The following NEK7 variants were observed in gnomAD, a reference collection of about 807,000 sequenced individuals.
NEK7 encodes serine/threonine-protein kinase Nek7.
Under a neutral mutation model 44.6 loss-of-function variants are expected in NEK7, and 18 were observed. That is an observed-to-expected ratio of 0.40 (90% CI 0.28 to 0.60). The LOEUF is 0.60. NEK7 is among the 20% of genes least tolerant of loss of function. The pLI is 0.38. For missense variants in NEK7, 256 were observed against 366.5 expected (o/e 0.70, Z 2.46); for synonymous variants, 130 against 121.1 (o/e 1.07, Z -0.48).
intron 9 of NEK7, among the ~76,000 whole-genome samples, chr1:198,316,849 A>G (rs960105775): frequency 1.3e-5 from 2 of 152,218 alleles, no homozygotes; most frequent in East Asian, 1.9e-4. Flanking sequence ...AGATGGTTAG[A>G]AAGGAAAATG....
rs77952432 is a variant in NEK7 at position 198,173,430 on chromosome 1, T to TA, written c.-29+16171dup. ...GGAGTCAAAGTGAGACTCTGTCTTT[T>TA]AAAAAAAAAAAAAAAAAGGACAGCT... On this transcript the variant is annotated intron_variant, in intron 1 of 9. Transcript: ENST00000367385. 4.4e-3 allele frequency among the ~76,000 whole-genome samples: 607 copies of TA among 137,288 alleles called. 3 individuals carry two copies. The highest frequency in any genetic ancestry group is 0.01 in the African/African-American group (380 of 37,362). The allele number at this position is 137,288 out of a possible 152,430, so 90.1% of individuals were successfully genotyped here.
intron 2 of NEK7, among the ~76,000 whole-genome samples, chr1:198,241,115 C>T (rs1281093679): frequency 1.3e-5 from 2 of 152,180 alleles, no homozygotes; most frequent in Non-Finnish European, 2.9e-5. Context: ...CCCATGGTAG[C>T]TGTTTTGAAG....
chr1:198,316,969 G>T (rs923380896), intron 9 of NEK7, among the ~76,000 whole-genome samples: 1 of 152,206 alleles, frequency 6.6e-6, no homozygotes, highest in Admixed American at 6.5e-5. Context: ...TTGCAGAGTA[G>T]ATCATCTAGA....
intron 8 of NEK7, among the ~76,000 whole-genome samples, chr1:198,295,965 C>T (rs1000674296): frequency 5.9e-5 from 9 of 152,028 alleles, no homozygotes; most frequent in African/African-American, 1.9e-4. Flanking sequence ...GTTGTGTGCA[C>T]GTTTTATGTA....
intron 9 of NEK7, among the ~76,000 whole-genome samples, chr1:198,317,873 A>ATAT (rs1655413871): frequency 3.8e-5 from 1 of 26,604 alleles, no homozygotes; most frequent in Non-Finnish European, 6.7e-5. Flanking sequence ...TACTGGATAT[A>ATAT]TTTATTTTTT....
chr1:198,266,151 AATTGG>A (rs1247332802), intron 5 of NEK7, among the ~76,000 whole-genome samples: 1 of 152,110 alleles, frequency 6.6e-6, no homozygotes, highest in African/African-American at 2.4e-5. Context: ...CTTTGTTAAT[AATTGG>A]ATTGTTTTCA....
intron 1 of NEK7, among the ~76,000 whole-genome samples, chr1:198,222,688 G>A (rs12076564): frequency 0.51 from 77,780 of 151,942 alleles, 23,178 homozygotes; most frequent in East Asian, 0.9. Flanking sequence ...TATTCATTCA[G>A]CGATGTTTAT....
chr1:198,314,796 A>T (rs1360982894), intron 9 of NEK7, among the ~76,000 whole-genome samples: 9 of 152,180 alleles, frequency 5.9e-5, no homozygotes, highest in South Asian at 2.1e-4. Flanking sequence ...CCGTTCTCAG[A>T]TCTCCAGCTG....
intron 1 of NEK7, among the ~76,000 whole-genome samples, chr1:198,183,837 T>C (rs997596186): frequency 1.3e-5 from 2 of 152,232 alleles, no homozygotes; most frequent in African/African-American, 4.8e-5. Flanking sequence ...CTCGAGACGT[T>C]TTTAATGGTC....
Position 198,244,262 on chromosome 1 carries a change from A to G in NEK7, c.58-8778A>G, listed in dbSNP as rs185636182. 9.8e-4 allele frequency among the ~76,000 whole-genome samples: 149 copies of G among 152,272 alleles called. 1 individual carries two copies. Among genetic ancestry groups the G allele is most frequent in the African/African-American group, 3.5e-3 (144 of 41,560 alleles). On this transcript the variant is annotated intron_variant, in intron 2 of 9. Coordinates refer to ENST00000367385, the MANE Select transcript of NEK7 (RefSeq NM_133494.3). ...CTTGTATATTAAATCATTGATAACAATACCTCAAGGAATTATCAGTACATA... is the reference window on the plus strand; with the variant it reads ...CTTGTATATTAAATCATTGATAACAGTACCTCAAGGAATTATCAGTACATA...
chr1:198,182,281 A>G (rs1174557059), intron 1 of NEK7, among the ~76,000 whole-genome samples: 1 of 152,122 alleles, frequency 6.6e-6, no homozygotes, highest in Non-Finnish European at 1.5e-5. Context: ...ACCATTCTTA[A>G]TTTGTCTCTT....
chr1:198,159,298 AAAGAAAGGAAGG>A (rs1277311448), intron 1 of NEK7, among the ~76,000 whole-genome samples: 1 of 152,050 alleles, frequency 6.6e-6, no homozygotes, highest in African/African-American at 2.4e-5. Context: ...CTGGAGAAAG[AAAGAAAGGAAGG>A]AAGGAAGGAA....
chr1:198,309,138 C>G (rs1263506875), intron 9 of NEK7, among the ~76,000 whole-genome samples: 4 of 152,066 alleles, frequency 2.6e-5, no homozygotes, highest in Non-Finnish European at 4.4e-5. Flanking sequence ...GTAGCAAACA[C>G]AGTAATGAGG....
At chr1:198,264,552 G>A (rs1017199635) in intron 5 of NEK7, among the ~76,000 whole-genome samples, 2 of 151,922 alleles carry the variant, frequency 1.3e-5, no homozygotes, top group African/African-American at 4.8e-5. Flanking sequence ...TTGATCCTGT[G>A]TCTCTGGACA....
Position 198,278,091 on chromosome 1 carries a change from C to G in NEK7, c.481+22C>G, listed in dbSNP as rs776687699. On this transcript the variant is annotated intron_variant, in intron 6 of 9. Transcript: ENST00000367385. ...AGAGGTAAGATAAAATCATTAAGTA[C>G]TTTTAATCTTGTTTTAAATGATGTA... 4.0e-6 allele frequency: 5 copies of G among 1,235,788 alleles called. No homozygotes were observed. The Admixed American group carries it at 5.2e-5, about 13-fold the overall frequency. 76.6% of individuals were successfully genotyped at this position (1,235,788 alleles called of 1,614,324 possible). A position where few individuals can be genotyped will look rare whatever the true frequency, so the allele number is the denominator to read the frequency against.
chr1:198,222,241 G>T (rs1284406904), intron 1 of NEK7, among the ~76,000 whole-genome samples: 2 of 151,984 alleles, frequency 1.3e-5, no homozygotes, highest in Non-Finnish European at 2.9e-5. Flanking sequence ...AATATTTGTA[G>T]TACTTAAAAG....
At chr1:198,256,889 CTA>C (rs1379724045) in intron 3 of NEK7, among the ~76,000 whole-genome samples, 1 of 152,042 alleles carries the variant, frequency 6.6e-6, no homozygotes, top group Non-Finnish European at 1.5e-5. Flanking sequence ...TATGCAATCT[CTA>C]TTTTATTATA....
chr1:198,192,632 A>G (rs1230928885), intron 1 of NEK7, among the ~76,000 whole-genome samples: 1 of 152,186 alleles, frequency 6.6e-6, no homozygotes, highest in Non-Finnish European at 1.5e-5. Context: ...ATCACAGTCT[A>G]GTCAAATTAG....
chr1:198,166,517 T>A (rs1664273636), intron 1 of NEK7, among the ~76,000 whole-genome samples: 2 of 152,192 alleles, frequency 1.3e-5, no homozygotes, highest in Non-Finnish European at 2.9e-5. Context: ...TGGGTGACTC[T>A]TTCTTTCACT....
Sources: gnomAD v4.1 joint callset for allele counts (sites outside exome capture counted in the v4.1 genomes callset) on GRCh38, gnomAD v4.1.1 for gene constraint, MANE v1.5 for transcripts, NCBI Gene and HGNC (gene_info 2026-07-23, HGNC 2026-07-21) for gene names.